TXNDC16: variants seen among roughly 807,000 people sequenced by gnomAD.
The protein encoded by TXNDC16 is thioredoxin domain-containing protein 16.
TXNDC16 carries 74 observed loss-of-function variants against 85.6 expected under a neutral mutation model. The ratio of observed to expected loss-of-function variants is 0.86; its 90% CI spans 0.72 to 1.05. TXNDC16 has a LOEUF of 1.05. TXNDC16 is among the 50% of genes least tolerant of loss of function. The pLI is 0.00. For missense variants in TXNDC16, 959 were observed against 947.0 expected (o/e 1.01, Z -0.17); for synonymous variants, 335 against 326.5 (o/e 1.03, Z -0.28).
At chr14:52,480,148 T>C (rs370830600) in intron 14 of TXNDC16, among the ~76,000 whole-genome samples, 5 of 152,254 alleles carry the variant, frequency 3.3e-5, no homozygotes, top group African/African-American at 1.2e-4. Flanking sequence ...TCTCACCTTA[T>C]ACAAAATCAA....
At chr14:52,510,524 G>A (rs2036929523) in intron 9 of TXNDC16, among the ~76,000 whole-genome samples, 1 of 151,912 alleles carries the variant, frequency 6.6e-6, no homozygotes, top group South Asian at 2.1e-4. Flanking sequence ...CCATATGAGT[G>A]CAAAGATCAC....
intron 6 of TXNDC16, among the ~76,000 whole-genome samples, chr14:52,532,809 C>G (rs2140217327): frequency 6.6e-6 from 1 of 152,098 alleles, no homozygotes; most frequent in East Asian, 1.9e-4. Flanking sequence ...TAGCCAGGAA[C>G]TGGGTATTTC....
At chr14:52,480,756 C>T (rs1470582058) in intron 14 of TXNDC16, among the ~76,000 whole-genome samples, 3 of 151,932 alleles carry the variant, frequency 2.0e-5, no homozygotes, top group Non-Finnish European at 4.4e-5. Context: ...CTGTGGAAAA[C>T]AGTGTGGAGA....
At position 52,488,519 on chromosome 14, in the gene TXNDC16, T is replaced by C. The variant is rs747838375; in HGVS notation, c.985-33A>G. The C allele has an allele frequency of 1.6e-5, 25 of 1,528,724 alleles. 1 individual carries two copies. The South Asian group carries it at 2.8e-4, about 17-fold the overall frequency. The allele number at this position is 1,528,724 out of a possible 1,614,324, so 94.7% of individuals were successfully genotyped here. ...TACATTAATTTTTAAAAAATGAATA[T>C]AGCAAAGTATTTTGACATAAAAATG... On this transcript the variant is annotated intron_variant, in intron 11 of 20. Transcript: ENST00000281741.
chr14:52,521,729 CTCT>C (rs1485998105), intron 6 of TXNDC16, among the ~76,000 whole-genome samples: 2 of 152,064 alleles, frequency 1.3e-5, no homozygotes, highest in Non-Finnish European at 2.9e-5. Flanking sequence ...ATTCCCAGGG[CTCT>C]TGTTTTGTTT....
At position 52,482,261 on chromosome 14, in the gene TXNDC16, T is replaced by C; in HGVS notation, c.1281A>G (p.Gln427=). 6.2e-7 allele frequency: 1 copy of C among 1,612,128 alleles called. No individual in the cohort carries two copies. The highest frequency in any genetic ancestry group is 8.5e-7 in the Non-Finnish European group (1 of 1,179,036). Reference sequence around the variant, plus strand: ...GTTTAACTGCCACATCAATATAGGATTGCAAAAATGCCATGGATACTGCTT... The same window carrying C: ...GTTTAACTGCCACATCAATATAGGACTGCAAAAATGCCATGGATACTGCTT... The part of the protein sequence containing the change: ...GWQAVSMAFL[Q]SYIDVAVKLK... Residue 427 remains glutamine (Q), a synonymous_variant, in exon 14 of 21, where the codon CAA becomes CAG. Transcript: ENST00000281741.
intron 1 of TXNDC16, among the ~76,000 whole-genome samples, chr14:52,551,168 C>A (rs1020069371): frequency 6.6e-6 from 1 of 152,078 alleles, no homozygotes; most frequent in African/African-American, 2.4e-5. Flanking sequence ...GGTACCTGGA[C>A]AAACGACTGT....
intron 9 of TXNDC16, among the ~76,000 whole-genome samples, chr14:52,492,803 C>A (rs2036438678): frequency 6.6e-6 from 1 of 152,178 alleles, no homozygotes; most frequent in African/African-American, 2.4e-5. Context: ...CACCATTCCC[C>A]CTTCCCAACC....
chr14:52,449,715 T>C (rs2035364304), intron 18 of TXNDC16, among the ~76,000 whole-genome samples: 1 of 152,020 alleles, frequency 6.6e-6, no homozygotes, highest in Non-Finnish European at 1.5e-5. Context: ...ACAAGCCTTA[T>C]AACATTTAAA....
At chr14:52,447,780 A>G (rs957705881) in intron 18 of TXNDC16, among the ~76,000 whole-genome samples, 1 of 152,164 alleles carries the variant, frequency 6.6e-6, no homozygotes, top group Admixed American at 6.5e-5. Context: ...AGAAAACTCA[A>G]AGAAATTCAA....
chr14:52,521,027 C>T (rs987256205), intron 6 of TXNDC16, among the ~76,000 whole-genome samples: 3 of 151,704 alleles, frequency 2.0e-5, no homozygotes, highest in Admixed American at 6.6e-5. Context: ...TAAAAATAAA[C>T]ATCATTACAT....
intron 9 of TXNDC16, among the ~76,000 whole-genome samples, chr14:52,501,729 G>C (rs2036663120): frequency 6.6e-6 from 1 of 152,130 alleles, no homozygotes; most frequent in Non-Finnish European, 1.5e-5. Flanking sequence ...TACCATCAAA[G>C]GGTATAACCC....
chr14:52,504,728 C>G (rs532827217), intron 9 of TXNDC16, among the ~76,000 whole-genome samples: 65 of 152,244 alleles, frequency 4.3e-4, no homozygotes, highest in African/African-American at 1.5e-3. Flanking sequence ...CAATATCAAC[C>G]TTAAATGTAA....
rs1594771253 is a variant in TXNDC16, at chr14:52,548,892, T to C, written c.-182+3424A>G. On this transcript the variant is annotated intron_variant, in intron 1 of 20. Coordinates refer to ENST00000281741, the MANE Select transcript of TXNDC16 (RefSeq NM_020784.3). The stretch of plus-strand genomic sequence containing the variant: ...AGCAAAACTCCGTCTCAGAAAAAAA[T>C]AAAATAAACCATTATTTTAAACTTC... Among the ~76,000 whole-genome samples the C allele has an allele frequency of 2.6e-5, 4 of 152,148 alleles. No homozygotes were observed. The South Asian group carries it at 8.3e-4, about 32-fold the overall frequency.
intron 14 of TXNDC16, among the ~76,000 whole-genome samples, chr14:52,477,356 T>C (rs1331226982): frequency 6.6e-6 from 1 of 152,214 alleles, no homozygotes; most frequent in Non-Finnish European, 1.5e-5. Flanking sequence ...ATGGCCTAAA[T>C]GCTCCACTTA....
chr14:52,457,084 A>C lies in TXNDC16; in HGVS notation c.1703+6T>G, dbSNP rs1180633434. The C allele has an allele frequency of 6.4e-7, 1 of 1,558,684 alleles. No homozygotes were observed. Among genetic ancestry groups the C allele is most frequent in the Non-Finnish European group, 8.7e-7 (1 of 1,149,178 alleles). ...CTCCCTAAAATTAAAAGAGCAATAA[A>C]CTTACAGTAGCAAAACATCTTCTTC... On this transcript the variant is annotated splice_donor_region_variant and intron_variant, in intron 17 of 20. Coordinates refer to ENST00000281741, the MANE Select transcript of TXNDC16 (RefSeq NM_020784.3).
intron 16 of TXNDC16, among the ~76,000 whole-genome samples, chr14:52,459,496 AAAG>A (rs2035606954): frequency 6.6e-6 from 1 of 152,204 alleles, no homozygotes. Context: ...CCAGACATAC[AAAG>A]AAGAGCTGAT....
chr14:52,548,799 T>C (rs529165623), intron 1 of TXNDC16, among the ~76,000 whole-genome samples: 1 of 152,220 alleles, frequency 6.6e-6, no homozygotes, highest in African/African-American at 2.4e-5. Context: ...GGAGAATCAC[T>C]TTAACCCAAG....
chr14:52,530,247 A>AATATTTATTATATAATAAT (rs1566581785), intron 6 of TXNDC16, among the ~76,000 whole-genome samples: 1 of 45,964 alleles, frequency 2.2e-5, no homozygotes, highest in Non-Finnish European at 3.2e-5. Flanking sequence ...AATAATATAT[A>AATATTTATTATATAATAAT]ATATATATTA....
Sources: allele counts gnomAD v4.1 joint callset (sites outside exome capture counted in the v4.1 genomes callset), GRCh38; gene constraint gnomAD v4.1.1; transcripts MANE v1.5; gene names NCBI Gene and HGNC (gene_info 2026-07-23, HGNC 2026-07-21).